SERGEF: variants seen among roughly 807,000 people sequenced by gnomAD.
SERGEF encodes the protein secretion regulating guanine nucleotide exchange factor, also known as secretion-regulating guanine nucleotide exchange factor.
SERGEF carries 51 observed loss-of-function variants against 50.0 expected under a neutral mutation model. The ratio of observed to expected loss-of-function variants is 1.02; its 90% CI spans 0.81 to 1.29. The LOEUF (loss-of-function observed/expected upper bound fraction) is 1.29, where lower values mean the gene tolerates loss of function less well. Ranked by LOEUF, SERGEF falls within the 50% of genes most tolerant of loss-of-function variation. The pLI is 0.00. For synonymous variants in SERGEF, 205 were observed against 212.4 expected (o/e 0.97, Z 0.30); for missense variants, 521 against 557.0 (o/e 0.94, Z 0.65).
intron 9 of SERGEF, among the ~76,000 whole-genome samples, chr11:17,910,844 C>T (rs781533231): frequency 7.2e-5 from 11 of 151,776 alleles, no homozygotes; most frequent in Admixed American, 1.3e-4. Flanking sequence ...GTAACAAATA[C>T]GCTAATACAA....
intron 10 of SERGEF, among the ~76,000 whole-genome samples, chr11:17,842,236 C>T (rs1447904064): frequency 6.6e-6 from 1 of 152,166 alleles, no homozygotes; most frequent in Non-Finnish European, 1.5e-5. Flanking sequence ...TAATACACCG[C>T]AGCTATTCAC....
chr11:17,895,624 C>G (rs1286391543), intron 9 of SERGEF, among the ~76,000 whole-genome samples: 1 of 152,134 alleles, frequency 6.6e-6, no homozygotes, highest in Non-Finnish European at 1.5e-5. Context: ...AGGTTCTGTT[C>G]TGGGTGACAT....
rs143186607 is a variant in SERGEF at position 17,827,013 on chromosome 11, C to T, written c.1049-38600G>A. The stretch of plus-strand genomic sequence containing the variant: ...CAGTGTTCTTTCTTCTATACCACGC[C>T]GCCTCTCGTTCAAATATTAAATAGA... On this transcript the variant is annotated intron_variant, in intron 10 of 10. Transcript: ENST00000265965. Among the ~76,000 whole-genome samples the T allele has an allele frequency of 5.5e-3, 840 of 152,218 alleles. 9 individuals are homozygous for T. The highest frequency in any genetic ancestry group is 0.019 in the African/African-American group (797 of 41,526).
chr11:17,911,540 G>C (rs1302420221), intron 9 of SERGEF, among the ~76,000 whole-genome samples: 1 of 151,148 alleles, frequency 6.6e-6, no homozygotes, highest in African/African-American at 2.4e-5. Context: ...GCCCAGACTG[G>C]AGTGCAGCAG....
intron 10 of SERGEF, among the ~76,000 whole-genome samples, chr11:17,829,602 C>G (rs1200728711): frequency 6.6e-6 from 1 of 152,106 alleles, no homozygotes; most frequent in Admixed American, 6.5e-5. Context: ...TGGGGTAAAC[C>G]AGTTGTCACC....
At chr11:17,962,944 G>T (rs1853039165) in intron 8 of SERGEF, among the ~76,000 whole-genome samples, 1 of 152,084 alleles carries the variant, frequency 6.6e-6, no homozygotes, top group Admixed American at 6.5e-5. Flanking sequence ...CACTTTGGGA[G>T]GCCAAGGTGG....
chr11:17,822,029 A>C (rs1355781573), intron 10 of SERGEF, among the ~76,000 whole-genome samples: 1 of 152,180 alleles, frequency 6.6e-6, no homozygotes, highest in African/African-American at 2.4e-5. Flanking sequence ...TTCTAGACCT[A>C]TTTCCAAACT....
intron 9 of SERGEF, among the ~76,000 whole-genome samples, chr11:17,935,507 T>C (rs1348180948): frequency 1.3e-5 from 2 of 152,086 alleles, no homozygotes; most frequent in East Asian, 3.8e-4. Flanking sequence ...TAAGAATGTA[T>C]AGAATCATGT....
chr11:17,910,356 C>G (rs931825245), intron 9 of SERGEF, among the ~76,000 whole-genome samples: 1 of 152,162 alleles, frequency 6.6e-6, no homozygotes, highest in Non-Finnish European at 1.5e-5. Flanking sequence ...TCAAGCAATC[C>G]TCCTGCCTCA....
intron 2 of SERGEF, among the ~76,000 whole-genome samples, chr11:18,007,544 A>G (rs1854101663): frequency 6.6e-6 from 1 of 152,184 alleles, no homozygotes; most frequent in Non-Finnish European, 1.5e-5. Context: ...GCTATCCTAG[A>G]TACAGTAAGG....
At chr11:17,793,743 C>A (rs1392294863) in intron 10 of SERGEF, among the ~76,000 whole-genome samples, 1 of 152,244 alleles carries the variant, frequency 6.6e-6, no homozygotes, top group African/African-American at 2.4e-5. Flanking sequence ...GGTCCTGGGG[C>A]ACATGGCTGA....
intron 7 of SERGEF, among the ~76,000 whole-genome samples, chr11:17,990,486 T>C (rs929506482): frequency 1.3e-5 from 2 of 152,222 alleles, no homozygotes; most frequent in African/African-American, 4.8e-5. Context: ...CTCAGCAAAG[T>C]ATCAATCCAT....
chr11:17,815,497 C>T lies in SERGEF; in HGVS notation c.1049-27084G>A, dbSNP rs77389827. Among the ~76,000 whole-genome samples, 503 of 151,628 alleles carry T rather than the reference C, an allele frequency of 3.3e-3. 15 individuals are homozygous for T. The East Asian group carries it at 0.075, about 23-fold the overall frequency. ...GGGCGTGGTGGCACATGCCTGTAGT[C>T]CCAGCTACTCCAGAGGCTGAGGCAG... On this transcript the variant is annotated intron_variant, in intron 10 of 10. Coordinates refer to ENST00000265965, the MANE Select transcript of SERGEF (RefSeq NM_012139.4).
chr11:18,011,166 A>ACACACACC (rs71457886), intron 1 of SERGEF, among the ~76,000 whole-genome samples: 7 of 150,454 alleles, frequency 4.7e-5, no homozygotes, highest in African/African-American at 7.4e-5. Context: ...ACACACACAC[A>ACACACACC]CCCCTAACAA....
intron 8 of SERGEF, among the ~76,000 whole-genome samples, chr11:17,962,294 G>A (rs533824123): frequency 6.6e-6 from 1 of 151,922 alleles, no homozygotes; most frequent in African/African-American, 2.4e-5. Context: ...TGTAAGTGCT[G>A]AAATAAAGGC....
At chr11:18,001,683 T>C (rs1462867715) in intron 4 of SERGEF, among the ~76,000 whole-genome samples, 1 of 152,228 alleles carries the variant, frequency 6.6e-6, no homozygotes, top group Non-Finnish European at 1.5e-5. Flanking sequence ...AGTAATTTGT[T>C]ACACAGCAAT....
intron 10 of SERGEF, among the ~76,000 whole-genome samples, chr11:17,817,213 ATT>A (rs36024602): frequency 0.017 from 2,315 of 135,092 alleles, 16 homozygotes; most frequent in South Asian, 0.038. Context: ...CTTTCCATGT[ATT>A]TTTTTTTTTT....
chr11:17,800,668 A>G (rs1849652174), intron 10 of SERGEF, among the ~76,000 whole-genome samples: 1 of 152,330 alleles, frequency 6.6e-6, no homozygotes, highest in African/African-American at 2.4e-5. Context: ...AAAAAACAGT[A>G]TATGATTTAG....
chr11:17,878,205 T>C lies in SERGEF; in HGVS notation c.1048+3A>G. 6.3e-7 allele frequency: 1 copy of C among 1,578,766 alleles called. No homozygotes were observed. Among genetic ancestry groups the C allele is most frequent in the Non-Finnish European group, 8.7e-7 (1 of 1,153,888 alleles). ...AACAGTTATCAGTATAAAAATTACT[T>C]ACCAATTATTGCCAAATTATGCTCT... is the stretch of plus-strand genomic sequence containing the variant. On this transcript the variant is annotated splice_donor_region_variant and intron_variant, in intron 10 of 10. Coordinates refer to ENST00000265965, the MANE Select transcript of SERGEF (RefSeq NM_012139.4).
Sources: gnomAD v4.1 joint callset for allele counts (sites outside exome capture counted in the v4.1 genomes callset) on GRCh38, gnomAD v4.1.1 for gene constraint, MANE v1.5 for transcripts, NCBI Gene and HGNC (gene_info 2026-07-23, HGNC 2026-07-21) for gene names.